The following ADGRL3 variants were observed in gnomAD, a reference collection of about 807,000 sequenced individuals.
ADGRL3 encodes the protein calcium-independent alpha-latrotoxin receptor 3.
A neutral mutation model predicts 153.5 loss-of-function variants in ADGRL3; 62 were observed. The observed-to-expected ratio is 0.40, with a 90% CI of 0.33 to 0.50. The LOEUF (loss-of-function observed/expected upper bound fraction) is 0.50, where lower values mean the gene tolerates loss of function less well. Ranked by LOEUF, ADGRL3 falls within the 20% of genes least tolerant of loss-of-function variation. ADGRL3 has a pLI of 0.47. For missense variants in ADGRL3, 1,641 were observed against 1,859.4 expected, an observed-to-expected ratio of 0.88 and a Z score of 2.16; for synonymous variants, 710 against 672.5, an observed-to-expected ratio of 1.06 and a Z score of -0.86.
intron 9 of ADGRL3, among the ~76,000 whole-genome samples, chr4:61,874,969 C>T (rs549226227): frequency 1.3e-5 from 2 of 150,858 alleles, no homozygotes; most frequent in African/African-American, 2.4e-5. Flanking sequence ...CCACCGCGCC[C>T]GGCTAATTTT....
Position 61,711,491 on chromosome 4 carries a change from T to TAC in ADGRL3, c.584-19109_584-19108dup, listed in dbSNP as rs1554009882. Among the ~76,000 whole-genome samples the TAC allele has an allele frequency of 7.3e-3, 650 of 89,144 alleles. 19 individuals are homozygous for TAC. The highest frequency in any genetic ancestry group is 0.012 in the Non-Finnish European group (500 of 42,432). 58.5% of individuals were successfully genotyped at this position (89,144 alleles called of 152,430 possible). On this transcript the variant is annotated intron_variant, in intron 6 of 26. Coordinates refer to ENST00000683033, the MANE Select transcript of ADGRL3 (RefSeq NM_001387552.1). The stretch of plus-strand genomic sequence containing the variant: ...ATATATATATATATATATATATATA[T>TAC]ACACACACACACACACACACACAAT...
intron 9 of ADGRL3, among the ~76,000 whole-genome samples, chr4:61,821,752 C>A (rs1439679617): frequency 6.6e-6 from 1 of 152,130 alleles, no homozygotes; most frequent in Admixed American, 6.5e-5. Flanking sequence ...TCAACTGACA[C>A]ATAATCAATG....
At chr4:61,713,289 T>G (rs1238517396) in intron 6 of ADGRL3, among the ~76,000 whole-genome samples, 1 of 152,068 alleles carries the variant, frequency 6.6e-6, no homozygotes, top group Non-Finnish European at 1.5e-5. Context: ...ACTCATTTTT[T>G]TCCTGTATGT....
chr4:61,242,622 C>T (rs1281466170), intron 1 of ADGRL3, among the ~76,000 whole-genome samples: 1 of 151,964 alleles, frequency 6.6e-6, no homozygotes, highest in African/African-American at 2.4e-5. Flanking sequence ...TCCAATGAAA[C>T]AGTTACATGC....
At chr4:62,018,962 C>G (rs969380736) in intron 21 of ADGRL3, among the ~76,000 whole-genome samples, 10 of 152,086 alleles carry the variant, frequency 6.6e-5, no homozygotes, top group African/African-American at 2.4e-4. Context: ...AAGGAGTTTG[C>G]GTAGCAGTGG....
intron 2 of ADGRL3, among the ~76,000 whole-genome samples, chr4:61,390,381 G>T (rs922944726): frequency 6.6e-6 from 1 of 152,142 alleles, no homozygotes; most frequent in Non-Finnish European, 1.5e-5. Context: ...TCCAAAAAAG[G>T]CTGCTTATTT....
intron 3 of ADGRL3, among the ~76,000 whole-genome samples, chr4:61,517,082 T>G (rs1390281531): frequency 6.6e-6 from 1 of 152,050 alleles, no homozygotes; most frequent in East Asian, 1.9e-4. Context: ...ATGAGTTTTT[T>G]TTTTTTTTTT....
chr4:62,058,405 TA>T (rs1450862036), intron 25 of ADGRL3, among the ~76,000 whole-genome samples: 1 of 152,202 alleles, frequency 6.6e-6, no homozygotes, highest in Non-Finnish European at 1.5e-5. Context: ...TCATAATGGA[TA>T]AAATAACTTT....
At chr4:61,947,705 GA>G (rs1297561840) in intron 16 of ADGRL3, among the ~76,000 whole-genome samples, 6 of 152,148 alleles carry the variant, frequency 3.9e-5, no homozygotes, top group Non-Finnish European at 7.4e-5. Flanking sequence ...ATGTCCACGT[GA>G]AGATATATTT....
At chr4:61,312,530 A>G (rs1291783304) in intron 1 of ADGRL3, among the ~76,000 whole-genome samples, 1 of 152,210 alleles carries the variant, frequency 6.6e-6, no homozygotes, top group Non-Finnish European at 1.5e-5. Flanking sequence ...TGAAACATAC[A>G]AAAACTTCTT....
intron 2 of ADGRL3, among the ~76,000 whole-genome samples, chr4:61,400,986 A>G (rs1412002282): frequency 6.6e-6 from 1 of 151,422 alleles, no homozygotes; most frequent in Non-Finnish European, 1.5e-5. Context: ...CCATTTTTGA[A>G]TTTATCTTTT....
chr4:61,293,009 G>A (rs555093940), intron 1 of ADGRL3, among the ~76,000 whole-genome samples: 37 of 152,236 alleles, frequency 2.4e-4, no homozygotes, highest in African/African-American at 6.5e-4. Flanking sequence ...GTTAATCGTC[G>A]TCTTTGCTTC....
Position 61,895,747 on chromosome 4 carries a change from A to T in ADGRL3, c.1800A>T (p.Leu600=), listed in dbSNP as rs1452542573. The change falls in exon 11 of 27, where the codon CTA becomes CTT. Residue 600 remains leucine, a synonymous_variant. Coordinates refer to ENST00000683033, the MANE Select transcript of ADGRL3 (RefSeq NM_001387552.1). ...PAGTIGVSTY[L]CLAPDGIWDP... ...TTATTACAGGTGTATCAACTTATCT[A>T]TGCCTTGCTCCTGATGGAATTTGGG... The T allele has an allele frequency of 6.3e-7, 1 of 1,595,468 alleles. No homozygotes were observed. The highest frequency in any genetic ancestry group is 1.7e-5 in the Admixed American group (1 of 58,356).
chr4:61,856,273 T>G (rs2098262673), intron 9 of ADGRL3, among the ~76,000 whole-genome samples: 2 of 151,944 alleles, frequency 1.3e-5, no homozygotes, highest in African/African-American at 2.4e-5. Flanking sequence ...CTTTATTTCT[T>G]TCTTTCCTTC....
intron 8 of ADGRL3, among the ~76,000 whole-genome samples, chr4:61,783,948 T>G (rs2097246218): frequency 2.0e-5 from 3 of 152,218 alleles, no homozygotes; most frequent in South Asian, 4.1e-4. Context: ...TCTGACAGTT[T>G]TGATGTAAGA....
At chr4:61,425,993 A>G (rs7675526) in intron 2 of ADGRL3, among the ~76,000 whole-genome samples, 59,905 of 151,932 alleles carry the variant, frequency 0.39, 12,359 homozygotes, top group Middle Eastern at 0.58. Flanking sequence ...TCTGTAACTG[A>G]ATGGAGGCAG....
chr4:61,644,143 T>C (rs2150239382), intron 5 of ADGRL3, among the ~76,000 whole-genome samples: 1 of 129,530 alleles, frequency 7.7e-6, no homozygotes, highest in African/African-American at 2.9e-5. Context: ...ATATCCCCTT[T>C]ATCATTTTTT....
At position 62,042,081 on chromosome 4, in the gene ADGRL3, A is replaced by G. The variant is rs556194056; in HGVS notation, c.3718-2372A>G. On this transcript the variant is annotated intron_variant, in intron 24 of 26. Coordinates refer to ENST00000683033, the MANE Select transcript of ADGRL3 (RefSeq NM_001387552.1). ...GTATGGAAAAGAGAGCATAGAAAAA[A>G]TTAATTTATATAGATGTATATGCAC... Among the ~76,000 whole-genome samples the G allele has an allele frequency of 5.3e-5, 8 of 152,112 alleles. 1 individual carries two copies. In the South Asian group the frequency reaches 1.7e-3, roughly 32 times the overall value.
chr4:62,005,680 T>C (rs1429312402), intron 21 of ADGRL3, among the ~76,000 whole-genome samples: 1 of 151,988 alleles, frequency 6.6e-6, no homozygotes, highest in Non-Finnish European at 1.5e-5. Flanking sequence ...TCTGAATTAA[T>C]TTAAACTAGC....
Sources: gnomAD v4.1 joint callset for allele counts (sites outside exome capture counted in the v4.1 genomes callset) on GRCh38, gnomAD v4.1.1 for gene constraint, MANE v1.5 for transcripts, NCBI Gene and HGNC (gene_info 2026-07-23, HGNC 2026-07-21) for gene names.